CHRM5: variants seen among roughly 807,000 people sequenced by gnomAD.
CHRM5 encodes the protein muscarinic acetylcholine receptor M5.
In CHRM5, 18 loss-of-function variants were observed where a neutral mutation model predicts 39.0. The observed-to-expected ratio is 0.46, with a 90% CI of 0.32 to 0.68. The LOEUF (loss-of-function observed/expected upper bound fraction) is 0.68. Ranked by LOEUF, CHRM5 falls within the 30% of genes least tolerant of loss-of-function variation. The pLI is 0.04. For synonymous variants in CHRM5, 241 were observed against 246.3 expected (o/e 0.98, Z 0.20); for missense variants, 515 against 651.1 (o/e 0.79, Z 2.28).
chr15:34,005,780 TAC>T (rs1897313476), intron 1 of CHRM5, among the ~76,000 whole-genome samples: 1 of 152,202 alleles, frequency 6.6e-6, no homozygotes, highest in African/African-American at 2.4e-5. Context: ...TCAACTTTCA[TAC>T]ACTTTCATGA....
chr15:34,006,870 T>C (rs1052074469), intron 1 of CHRM5, among the ~76,000 whole-genome samples: 13 of 152,320 alleles, frequency 8.5e-5, no homozygotes, highest in Admixed American at 7.2e-4. Flanking sequence ...TATAGGTTCA[T>C]TGTGCAAAGA....
At chr15:34,038,631 G>T in intron 1 of CHRM5, 1 of 432,262 alleles carries the variant, frequency 2.3e-6, no homozygotes, top group Non-Finnish European at 3.1e-6. Context: ...GCGCCCCCGC[G>T]CCACCATCCG....
intron 2 of CHRM5, among the ~76,000 whole-genome samples, chr15:34,051,742 G>T (rs1899931244): frequency 1.3e-5 from 2 of 151,974 alleles, no homozygotes; most frequent in South Asian, 4.1e-4. Flanking sequence ...AAATCTAGAA[G>T]AAATGGATAA....
rs947894673 is a variant in CHRM5, at chr15:34,064,061, C to T, written c.1344C>T (p.Leu448=). 6 of 1,614,056 alleles carry T rather than the reference C, an allele frequency of 3.7e-6. No individual in the cohort carries two copies. Among genetic ancestry groups the T allele is most frequent in the Non-Finnish European group, 5.1e-6 (6 of 1,180,038 alleles). The change falls in exon 3 of 3, where the codon CTC becomes CTT. Residue 448 remains leucine (L), a synonymous_variant. Transcript: ENST00000383263. ...RKAAQTLSAI[L]LAFIITWTPY... Reference sequence around the variant, plus strand: ...CAGCCCAGACACTGAGTGCCATTCTCCTGGCCTTCATCATCACATGGACCC... The same window carrying T: ...CAGCCCAGACACTGAGTGCCATTCTTCTGGCCTTCATCATCACATGGACCC...
intron 1 of CHRM5, chr15:33,972,071 G>T (rs1895660744): frequency 6.6e-6 from 1 of 152,050 alleles, no homozygotes; most frequent in Non-Finnish European, 1.5e-5. Context: ...AGAGAAAGAT[G>T]CTTTTATTGC....
chr15:34,036,544 G>A (rs1398748087), intron 1 of CHRM5, among the ~76,000 whole-genome samples: 1 of 152,050 alleles, frequency 6.6e-6, no homozygotes, highest in Admixed American at 6.5e-5. Flanking sequence ...CTCATGTAAT[G>A]GTTAAGCACC....
At chr15:33,983,144 G>GTGTGTGTGTA (rs1203076232) in intron 1 of CHRM5, among the ~76,000 whole-genome samples, 17 of 118,212 alleles carry the variant, frequency 1.4e-4, no homozygotes, top group African/African-American at 7.7e-4. Context: ...GTGTGTGTGT[G>GTGTGTGTGTA]TGTGTGTGTG....
chr15:34,038,893 C>G (rs1269771089), intron 1 of CHRM5: 6 of 1,134,550 alleles, frequency 5.3e-6, no homozygotes, highest in South Asian at 4.1e-5. Context: ...CGGCCACGGC[C>G]CCGGCGTCCG....
intron 1 of CHRM5, among the ~76,000 whole-genome samples, chr15:33,973,265 T>A (rs1467088478): frequency 6.6e-6 from 1 of 152,208 alleles, no homozygotes; most frequent in African/African-American, 2.4e-5. Context: ...CCAGAGATGA[T>A]TTCCAGTTCA....
At chr15:34,014,426 G>A (rs1200509730) in intron 1 of CHRM5, among the ~76,000 whole-genome samples, 1 of 140,678 alleles carries the variant, frequency 7.1e-6, no homozygotes, top group East Asian at 2.1e-4. Context: ...GAAGATGGCA[G>A]CAGCAGCAGT....
chr15:34,050,279 A>C (rs1160992781), intron 2 of CHRM5, among the ~76,000 whole-genome samples: 1 of 152,230 alleles, frequency 6.6e-6, no homozygotes, highest in Non-Finnish European at 1.5e-5. Flanking sequence ...GATCCTTTGC[A>C]GACAAGCAAA....
intron 1 of CHRM5, among the ~76,000 whole-genome samples, chr15:34,029,659 C>T (rs1407289065): frequency 6.6e-6 from 1 of 151,888 alleles, no homozygotes; most frequent in African/African-American, 2.4e-5. Context: ...GAGTGAAGGA[C>T]ACCAAGGGAA....
Position 34,063,893 on chromosome 15 carries a change from G to C in CHRM5, c.1176G>C (p.Glu392Asp). The C allele has an allele frequency of 1.9e-6, 3 of 1,614,184 alleles. No homozygotes were observed. The highest frequency in any genetic ancestry group is 1.6e-4 in the Middle Eastern group (1 of 6,062). The stretch of plus-strand genomic sequence containing the variant: ...TGGTAAAAGCTGACGGGAACCAGGA[G>C]ACCAACAATGGCTGTCACAAGGTGA... The part of the protein sequence containing the change: ...RLVVKADGNQ[E>D]TNNGCHKVKI... Residue 392 changes from glutamate to aspartate, a missense_variant, in exon 3 of 3, where the codon GAG becomes GAC. Coordinates refer to ENST00000383263, the MANE Select transcript of CHRM5 (RefSeq NM_012125.4). This position sits in a 1 kb window ranked among gnomAD's most constrained non-coding sequence, Gnocchi z 4.1.
chr15:33,998,906 C>T (rs571883457), intron 1 of CHRM5, among the ~76,000 whole-genome samples: 28 of 152,298 alleles, frequency 1.8e-4, no homozygotes, highest in Middle Eastern at 3.4e-3. Context: ...TACATTCTCA[C>T]GACTTTAAAT....
chr15:34,029,644 G>A (rs1301577891), intron 1 of CHRM5, among the ~76,000 whole-genome samples: 1 of 152,090 alleles, frequency 6.6e-6, no homozygotes, highest in Non-Finnish European at 1.5e-5. Flanking sequence ...CAACACTTGG[G>A]AATGGAGTGA....
chr15:34,048,013 C>A (rs939954129), intron 2 of CHRM5, among the ~76,000 whole-genome samples: 1 of 141,724 alleles, frequency 7.1e-6, no homozygotes, highest in African/African-American at 2.4e-5. Context: ...CACATCACCA[C>A]GTCCAGCTCG....
chr15:34,061,327 TTAAA>T (rs1340426163), intron 2 of CHRM5, among the ~76,000 whole-genome samples: 1 of 152,204 alleles, frequency 6.6e-6, no homozygotes, highest in East Asian at 1.9e-4. Context: ...AGAGGGTTAA[TTAAA>T]TATAGTACAT....
chr15:34,007,709 A>G (rs635531), intron 1 of CHRM5, among the ~76,000 whole-genome samples: 71,663 of 152,088 alleles, frequency 0.47, 20,275 homozygotes, highest in Non-Finnish European at 0.63. Context: ...ACAAAGTATC[A>G]CAAATTAGAT....
At chr15:33,981,466 A>G (rs1045807284) in intron 1 of CHRM5, among the ~76,000 whole-genome samples, 1 of 152,196 alleles carries the variant, frequency 6.6e-6, no homozygotes, top group South Asian at 2.1e-4. Flanking sequence ...AGTAGCCAAA[A>G]GCTTTCTTCT....
Sources: gnomAD v4.1 joint callset for allele counts (sites outside exome capture counted in the v4.1 genomes callset) on GRCh38, gnomAD v4.1.1 for gene constraint, Gnocchi (gnomAD v3.1) non-coding constraint, MANE v1.5 for transcripts, NCBI Gene and HGNC (gene_info 2026-07-23, HGNC 2026-07-21) for gene names.